EXOC3L4: variants seen among roughly 807,000 people sequenced by gnomAD.
EXOC3L4 encodes the protein exocyst complex component 3 like 4.
EXOC3L4 carries 62 observed loss-of-function variants against 69.7 expected under a neutral mutation model. That is an observed-to-expected ratio of 0.89 (90% CI 0.72 to 1.10). EXOC3L4 has a LOEUF of 1.10. EXOC3L4 is among the 50% of genes least tolerant of loss of function. The pLI is 0.00. For synonymous variants in EXOC3L4, 502 were observed against 464.2 expected (o/e 1.08, Z -1.05); for missense variants, 1,087 against 1,034.8 (o/e 1.05, Z -0.69).
chr14:103,095,353 G>A (rs55661200), intron 1 of EXOC3L4, among the ~76,000 whole-genome samples: 5,387 of 152,306 alleles, frequency 0.035, 300 homozygotes, highest in African/African-American at 0.12. Flanking sequence ...CTGTCCCTCC[G>A]TCATGGCAGG....
Position 103,102,751 on chromosome 14 carries a change from G to A in EXOC3L4, c.1028G>A (p.Trp343Ter). The change falls in exon 3 of 12, where the codon TGG becomes TAG. Residue 343 changes from tryptophan (W) to a stop codon, truncating the protein, a stop_gained. Coordinates refer to ENST00000688303, the MANE Select transcript of EXOC3L4 (RefSeq NM_001077594.2). LOFTEE classifies it high-confidence loss of function. ...GCEQLYILLDWAANVYGSPDF... is the reference protein window; with the variant it reads ...GCEQLYILLD Reference sequence around the variant, plus strand: ...GAGCAGCTCTATATCCTGCTGGACTGGGCCGCCAACGTCTACGGCAGGTGA... The same window carrying A: ...GAGCAGCTCTATATCCTGCTGGACTAGGCCGCCAACGTCTACGGCAGGTGA... 1 of 1,375,860 alleles carries A rather than the reference G, an allele frequency of 7.3e-7. No homozygotes were observed. Among genetic ancestry groups the A allele is most frequent in the Non-Finnish European group, 9.4e-7 (1 of 1,066,340 alleles). The allele number at this position is 1,375,860 out of a possible 1,614,324, so 85.2% of individuals were successfully genotyped here. A position where few individuals can be genotyped will look rare whatever the true frequency, so the allele number is the denominator to read the frequency against.
intron 11 of EXOC3L4, 63 bp from the exon 12 acceptor site, chr14:103,109,968 A>C: frequency 1.3e-6 from 2 of 1,493,620 alleles, no homozygotes; most frequent in South Asian, 2.6e-5. Context: ...GGTTCGCCTC[A>C]TGCTGGGGCT....
chr14:103,107,368 G>A (rs1890618389), intron 8 of EXOC3L4, 56 bp from the exon 9 acceptor site: 3 of 1,584,906 alleles, frequency 1.9e-6, no homozygotes, highest in South Asian at 1.1e-5. Context: ...TTCGAGGGAG[G>A]GGTTACGTTG....
chr14:103,106,841 T>C lies in EXOC3L4; in HGVS notation c.1523T>C (p.Val508Ala), dbSNP rs770334774. ...CAAGAGGAGCTGGAGAAGCCCCTGG[T>C]GACGGCCACCTGCAGCTTCCAGAAG... ...GTQEELEKPL[V>A]TATCSFQKHL... The change falls in exon 8 of 12, where the codon GTG (valine) becomes GCG (alanine). Residue 508 changes from valine to alanine, a missense_variant. Val to Ala is a moderately conservative substitution (Grantham distance 64). Coordinates refer to ENST00000688303, the MANE Select transcript of EXOC3L4 (RefSeq NM_001077594.2). The C allele has an allele frequency of 1.9e-5, 31 of 1,596,050 alleles. No individual in the cohort carries two copies. Among genetic ancestry groups the C allele is most frequent in the Non-Finnish European group, 2.6e-5 (30 of 1,170,628 alleles).
chr14:103,099,836 G>A (rs796415964), intron 1 of EXOC3L4, among the ~76,000 whole-genome samples: 5 of 152,294 alleles, frequency 3.3e-5, no homozygotes, highest in African/African-American at 9.6e-5. Flanking sequence ...TCCTGCCCTC[G>A]GGTGTTGTGA....
rs189543857 is a variant in EXOC3L4, at chr14:103,095,467, C to T, written c.-17+627C>T. 4.1e-3 allele frequency among the ~76,000 whole-genome samples: 621 copies of T among 152,226 alleles called. 4 individuals are homozygous for T. Among genetic ancestry groups the T allele is most frequent in the African/African-American group, 0.014 (602 of 41,520 alleles). ...TGGGGGAGGAGCCATTTCTGCTGAG[C>T]CTTCAATGAGTTGACAACTGAAGAA... On this transcript the variant is annotated intron_variant, in intron 1 of 11. Coordinates refer to ENST00000688303, the MANE Select transcript of EXOC3L4 (RefSeq NM_001077594.2).
In EXOC3L4 at chr14:103,102,251, G is replaced by A. The variant is rs550419114; in HGVS notation, c.528G>A (p.Ala176=). The part of the protein sequence containing the change: ...RTFEQDPTAF[A]RRAMDVCLLY... ...TTGAGCAGGACCCTACGGCCTTCGC[G>A]CGGCGCGCTATGGACGTGTGCCTGC... The change falls in exon 3 of 12, where the codon GCG becomes GCA. Residue 176 remains alanine (A), a synonymous_variant. Transcript: ENST00000688303. 1.3e-6 allele frequency: 2 copies of A among 1,587,790 alleles called. No individual in the cohort carries two copies. The highest frequency in any genetic ancestry group is 4.6e-5 in the East Asian group (2 of 43,330).
At chr14:103,103,798 G>GTGTT in intron 3 of EXOC3L4, 143 bp from the exon 4 acceptor site, 1 of 234,800 alleles carries the variant, frequency 4.3e-6, no homozygotes, top group East Asian at 5.4e-5. Flanking sequence ...GCGCGCGCGC[G>GTGTT]TGTGTGTGTG....
intron 2 of EXOC3L4, among the ~76,000 whole-genome samples, chr14:103,101,479 C>T (rs1890182561): frequency 6.6e-6 from 1 of 152,148 alleles, no homozygotes; most frequent in Non-Finnish European, 1.5e-5. Flanking sequence ...GAGAATGGGA[C>T]CTGAACCCAG....
intron 7 of EXOC3L4, 60 bp from the exon 8 acceptor site, chr14:103,106,725 C>A: frequency 9.4e-7 from 1 of 1,061,574 alleles, no homozygotes; most frequent in Non-Finnish European, 1.4e-6. Flanking sequence ...GTGTGCCCGG[C>A]TCTATTCCCC....
intron 1 of EXOC3L4, among the ~76,000 whole-genome samples, chr14:103,099,402 C>T (rs77052267): frequency 0.016 from 2,403 of 152,312 alleles, 72 homozygotes; most frequent in African/African-American, 0.055. Flanking sequence ...GACACCCCCT[C>T]CATTCCCTGT....
chr14:103,102,673 A>G lies in EXOC3L4; in HGVS notation c.950A>G (p.His317Arg), dbSNP rs1232198216. Residue 317 changes from histidine to arginine, a missense_variant, in exon 3 of 12, where the codon CAC (histidine) becomes CGC (arginine). Coordinates refer to ENST00000688303, the MANE Select transcript of EXOC3L4 (RefSeq NM_001077594.2). ...PAWEVYLRAFHSAVAQRLQEL... is the reference protein window; with the variant it reads ...PAWEVYLRAFRSAVAQRLQEL... ...TGGGAGGTCTATCTGCGTGCCTTCCACAGCGCCGTGGCCCAGCGCCTCCAG... is the reference window on the plus strand; with the variant it reads ...TGGGAGGTCTATCTGCGTGCCTTCCGCAGCGCCGTGGCCCAGCGCCTCCAG... The G allele has an allele frequency of 2.7e-6, 4 of 1,493,436 alleles. No individual in the cohort carries two copies. The highest frequency in any genetic ancestry group is 3.5e-6 in the Non-Finnish European group (4 of 1,126,930). 92.5% of individuals were successfully genotyped at this position (1,493,436 alleles called of 1,614,324 possible).
At chr14:103,104,161 G>A in intron 4 of EXOC3L4, 106 bp from the exon 5 acceptor site, 3 of 1,446,748 alleles carry the variant, frequency 2.1e-6, no homozygotes, top group South Asian at 1.5e-5. Flanking sequence ...GGTTCACCCT[G>A]TGGCCCCCGG....
Position 103,102,245 on chromosome 14 carries a change from C to T in EXOC3L4, c.522C>T (p.Ala174=), listed in dbSNP as rs149486486. ...GCACCTTTGAGCAGGACCCTACGGC[C>T]TTCGCGCGGCGCGCTATGGACGTGT... The part of the protein sequence containing the change: ...ASRTFEQDPT[A]FARRAMDVCL... Residue 174 remains alanine, a synonymous_variant, in exon 3 of 12, where the codon GCC becomes GCT. Transcript: ENST00000688303. 169 of 1,588,570 alleles carry T rather than the reference C, an allele frequency of 1.1e-4. No individual in the cohort carries two copies. The highest frequency in any genetic ancestry group is 1.4e-4 in the Non-Finnish European group (164 of 1,169,016).
chr14:103,098,631 A>G (rs1890008185), intron 1 of EXOC3L4: 2 of 152,314 alleles, frequency 1.3e-5, no homozygotes, highest in South Asian at 2.1e-4. Flanking sequence ...TGGATGCAGC[A>G]TGTGCTGAAC....
Position 103,097,956 on chromosome 14 carries a change from G to A in EXOC3L4, c.-16-2248G>A, listed in dbSNP as rs928296613. Among the ~76,000 whole-genome samples the A allele has an allele frequency of 6.6e-6, 1 of 152,082 alleles. No individual in the cohort carries two copies. The highest frequency in any genetic ancestry group is 1.5e-5 in the Non-Finnish European group (1 of 67,998). ...GATGGATGCCCGGCTGTGGGGCTCG[G>A]GCAGGAGGGAACCATGGAAGGGCTT... On this transcript the variant is annotated intron_variant, in intron 1 of 11. Coordinates refer to ENST00000688303, the MANE Select transcript of EXOC3L4 (RefSeq NM_001077594.2). This position sits in a 1 kb window ranked among gnomAD's most constrained non-coding sequence, Gnocchi z 4.9.
At chr14:103,099,119 G>C (rs370119740) in intron 1 of EXOC3L4, among the ~76,000 whole-genome samples, 12 of 152,188 alleles carry the variant, frequency 7.9e-5, no homozygotes, top group East Asian at 5.8e-4. Context: ...GGGGGGCCCT[G>C]GGGCTGGGCT....
chr14:103,106,164 C>G (rs1367156268), intron 7 of EXOC3L4, among the ~76,000 whole-genome samples: 1 of 152,250 alleles, frequency 6.6e-6, no homozygotes, highest in Non-Finnish European at 1.5e-5. Context: ...GCCACTTGCC[C>G]GTGGCCACGT....
At chr14:103,095,213 C>T (rs1397995064) in intron 1 of EXOC3L4, among the ~76,000 whole-genome samples, 6 of 152,226 alleles carry the variant, frequency 3.9e-5, no homozygotes, top group African/African-American at 1.2e-4. Context: ...TATATGCCCG[C>T]GCGCTCAAGC....
Sources: allele counts gnomAD v4.1 joint callset (sites outside exome capture counted in the v4.1 genomes callset), GRCh38; gene constraint gnomAD v4.1.1; non-coding constraint Gnocchi (gnomAD v3.1); transcripts MANE v1.5; gene names NCBI Gene and HGNC (gene_info 2026-07-23, HGNC 2026-07-21).